The following DEPTOR variants were observed in gnomAD, a reference collection of about 807,000 sequenced individuals.
DEPTOR encodes DEP domain-containing mTOR-interacting protein.
A neutral mutation model predicts 41.6 loss-of-function variants in DEPTOR; 41 were observed. That is an observed-to-expected ratio of 0.98 (90% CI 0.77 to 1.28). The LOEUF (loss-of-function observed/expected upper bound fraction) is 1.28. DEPTOR is among the 50% of genes most tolerant of loss of function. DEPTOR has a pLI of 0.00. For synonymous variants in DEPTOR, 195 were observed against 192.3 expected (o/e 1.01, Z -0.12); for missense variants, 514 against 527.9 (o/e 0.97, Z 0.26).
intron 1 of DEPTOR, among the ~76,000 whole-genome samples, chr8:119,906,810 C>T (rs1036703065): frequency 6.6e-6 from 1 of 152,138 alleles, no homozygotes; most frequent in Non-Finnish European, 1.5e-5. Flanking sequence ...GAGCTCTAGC[C>T]CTCACTGTTT....
intron 8 of DEPTOR, among the ~76,000 whole-genome samples, chr8:120,029,675 C>T (rs936218670): frequency 2.6e-5 from 4 of 152,122 alleles, no homozygotes; most frequent in African/African-American, 4.8e-5. Flanking sequence ...GGATTACAGG[C>T]GTGAGCCACC....
chr8:119,954,963 A>G (rs1828400215), intron 3 of DEPTOR, among the ~76,000 whole-genome samples: 1 of 151,992 alleles, frequency 6.6e-6, no homozygotes, highest in Admixed American at 6.6e-5. Context: ...GGTTCAAGCG[A>G]TTCTCCTGCC....
intron 8 of DEPTOR, among the ~76,000 whole-genome samples, chr8:120,033,484 T>C (rs1236565602): frequency 6.6e-6 from 1 of 152,196 alleles, no homozygotes; most frequent in Non-Finnish European, 1.5e-5. Flanking sequence ...AGCCCAGGTC[T>C]GTCTGGCTCC....
chr8:120,014,261 C>T (rs772412666), intron 8 of DEPTOR, among the ~76,000 whole-genome samples: 17 of 152,128 alleles, frequency 1.1e-4, no homozygotes, highest in Admixed American at 2.6e-4. Context: ...CCTTTGATGA[C>T]TTTTCACTCA....
intron 4 of DEPTOR, among the ~76,000 whole-genome samples, chr8:119,990,837 T>C (rs1201577051): frequency 2.0e-5 from 3 of 152,172 alleles, no homozygotes; most frequent in East Asian, 1.9e-4. Flanking sequence ...TGTTATTGCC[T>C]TTTGGAGAGT....
rs1563588141 is a variant in DEPTOR at position 120,001,516 on chromosome 8, T to C, written c.605-9T>C. 2.5e-6 allele frequency: 4 copies of C among 1,587,226 alleles called. No homozygotes were observed. The highest frequency in any genetic ancestry group is 2.2e-5 in the East Asian group (1 of 44,536). On this transcript the variant is annotated splice_polypyrimidine_tract_variant and intron_variant, in intron 4 of 8. Transcript: ENST00000286234. ...AGTCCTCATTGGTTGTTTTTTTTTT[T>C]CTCCCCAGTGTCCAACAAGCACCCA...
rs762473454 is a variant in DEPTOR at position 119,974,565 on chromosome 8, A to T, written c.604+9155A>T. Among the ~76,000 whole-genome samples the T allele has an allele frequency of 4.4e-4, 67 of 152,270 alleles. 1 individual carries two copies. Among genetic ancestry groups the T allele is most frequent in the Non-Finnish European group, 1.3e-4 (9 of 68,026 alleles). ...GGCGAGAGAATCACTTGAGGCCAAGAGTTCTAGACTAGCCTGGCTGACATG... is the reference window on the plus strand; with the variant it reads ...GGCGAGAGAATCACTTGAGGCCAAGTGTTCTAGACTAGCCTGGCTGACATG... On this transcript the variant is annotated intron_variant, in intron 4 of 8. Transcript: ENST00000286234.
At chr8:119,894,428 G>T (rs544800619) in intron 1 of DEPTOR, among the ~76,000 whole-genome samples, 2 of 79,702 alleles carry the variant, frequency 2.5e-5, no homozygotes, top group African/African-American at 3.6e-5. Context: ...ACAGAGTCTC[G>T]CTCTGTTGCC....
intron 4 of DEPTOR, among the ~76,000 whole-genome samples, chr8:119,991,701 C>T (rs553626413): frequency 2.0e-5 from 3 of 152,144 alleles, no homozygotes; most frequent in Non-Finnish European, 4.4e-5. Flanking sequence ...ATTTGGTTTT[C>T]TGTTCCTGCA....
intron 8 of DEPTOR, among the ~76,000 whole-genome samples, chr8:120,042,948 C>T (rs1813099526): frequency 6.9e-6 from 1 of 145,606 alleles, no homozygotes; most frequent in African/African-American, 2.5e-5. Flanking sequence ...CTCCCAGGTT[C>T]CAAGTGATTC....
rs35420959 is a variant in DEPTOR, at chr8:119,933,453, G to GACACACACAC, written c.425+3553_425+3562dup. ...GCCCCCTTTCTTTGAGACAGAGCAA[G>GACACACACAC]ACACACACACACACACACACACACA... On this transcript the variant is annotated intron_variant, in intron 3 of 8. Coordinates refer to ENST00000286234, the MANE Select transcript of DEPTOR (RefSeq NM_022783.4). Among the ~76,000 whole-genome samples the GACACACACAC allele has an allele frequency of 3.3e-3, 416 of 124,548 alleles. 7 individuals carry two copies. Among genetic ancestry groups the GACACACACAC allele is most frequent in the Middle Eastern group, 0.016 (4 of 252 alleles). 81.7% of individuals were successfully genotyped at this position (124,548 alleles called of 152,430 possible).
intron 1 of DEPTOR, among the ~76,000 whole-genome samples, chr8:119,921,542 C>A (rs1466032582): frequency 6.6e-6 from 1 of 151,988 alleles, no homozygotes; most frequent in African/African-American, 2.4e-5. Context: ...TAGGCTATAT[C>A]CTGGATCCAA....
At chr8:119,953,260 G>A (rs891197858) in intron 3 of DEPTOR, among the ~76,000 whole-genome samples, 41 of 152,138 alleles carry the variant, frequency 2.7e-4, no homozygotes, top group African/African-American at 9.4e-4. Context: ...TTATGCTAGG[G>A]TTCAAGAAAT....
At chr8:119,957,545 G>GC (rs1828432852) in intron 3 of DEPTOR, among the ~76,000 whole-genome samples, 1 of 151,132 alleles carries the variant, frequency 6.6e-6, no homozygotes, top group Non-Finnish European at 1.5e-5. Context: ...GGTATTTCTT[G>GC]CCTGGGCATG....
intron 4 of DEPTOR, among the ~76,000 whole-genome samples, chr8:119,974,598 C>G (rs926228808): frequency 6.6e-6 from 1 of 152,016 alleles, no homozygotes; most frequent in Non-Finnish European, 1.5e-5. Context: ...ATGGTGAAAC[C>G]CCGTCTCTAC....
intron 1 of DEPTOR, among the ~76,000 whole-genome samples, chr8:119,921,579 T>A (rs1479725476): frequency 2.0e-5 from 3 of 152,114 alleles, no homozygotes; most frequent in Non-Finnish European, 4.4e-5. Context: ...TCATACTCAG[T>A]TTTCTTAAAC....
At chr8:119,992,876 C>T (rs986249005) in intron 4 of DEPTOR, among the ~76,000 whole-genome samples, 4 of 151,962 alleles carry the variant, frequency 2.6e-5, no homozygotes, top group Non-Finnish European at 5.9e-5. Flanking sequence ...AGGCTAGTTT[C>T]GAACTCCTGA....
At chr8:119,948,809 C>T (rs10087605) in intron 3 of DEPTOR, among the ~76,000 whole-genome samples, 42,017 of 151,416 alleles carry the variant, frequency 0.28, 6,247 homozygotes, top group African/African-American at 0.36. Flanking sequence ...TTTTTTGAGA[C>T]GGAGTTTCAC....
rs538254436 is a variant in DEPTOR, at chr8:119,997,767, A to G, written c.605-3758A>G. Among the ~76,000 whole-genome samples the G allele has an allele frequency of 2.2e-3, 336 of 152,346 alleles. 3 individuals are homozygous for G. Among genetic ancestry groups the G allele is most frequent in the African/African-American group, 7.8e-3 (326 of 41,592 alleles). On this transcript the variant is annotated intron_variant, in intron 4 of 8. Coordinates refer to ENST00000286234, the MANE Select transcript of DEPTOR (RefSeq NM_022783.4). ...GTTTATTAACATATGTAGATAATAA[A>G]TATAGTTACAACCCTAGATTGCATG... is the stretch of plus-strand genomic sequence containing the variant.
Sources: allele counts gnomAD v4.1 joint callset (sites outside exome capture counted in the v4.1 genomes callset), GRCh38; gene constraint gnomAD v4.1.1; transcripts MANE v1.5; gene names NCBI Gene and HGNC (gene_info 2026-07-23, HGNC 2026-07-21).